Variants in SCUBE1 observed in about 807,000 individuals in gnomAD.
SCUBE1 encodes signal peptide, CUB domain and EGF like domain containing 1.
SCUBE1 carries 59 observed loss-of-function variants against 124.4 expected under a neutral mutation model. That is an observed-to-expected ratio of 0.47 (90% CI 0.38 to 0.59). The LOEUF (loss-of-function observed/expected upper bound fraction) is 0.59, where lower values mean the gene tolerates loss of function less well. Among genes scored for constraint, SCUBE1 ranks in the 20% least tolerant of loss-of-function variants. The probability of loss-of-function intolerance (pLI) is 0.00; values close to 1 mark genes in which losing one functional copy is unlikely to be tolerated. For missense variants in SCUBE1, 1,150 were observed against 1,371.2 expected (o/e 0.84, Z 2.55); for synonymous variants, 545 against 550.9 (o/e 0.99, Z 0.15).
At chr22:43,292,188 T>C (rs1925387519) in intron 3 of SCUBE1, among the ~76,000 whole-genome samples, 1 of 151,922 alleles carries the variant, frequency 6.6e-6, no homozygotes, top group Admixed American at 6.6e-5. Flanking sequence ...ACTCCGAGAA[T>C]GAGGAGGTTT....
intron 3 of SCUBE1, among the ~76,000 whole-genome samples, chr22:43,292,488 T>C (rs1263214032): frequency 6.6e-6 from 1 of 151,644 alleles, no homozygotes; most frequent in African/African-American, 2.4e-5. Flanking sequence ...GTCATTTTAA[T>C]AGGCAAATAT....
intron 16 of SCUBE1, 44 bp downstream of exon 16, chr22:43,214,046 C>CCGGGGG: frequency 1.7e-5 from 7 of 422,698 alleles, no homozygotes; most frequent in East Asian, 6.5e-5. Context: ...GAGGAGCCCC[C>CCGGGGG]GCCCACCCCC....
intron 2 of SCUBE1, among the ~76,000 whole-genome samples, chr22:43,336,728 C>G (rs1467101114): frequency 6.6e-6 from 1 of 152,102 alleles, no homozygotes; most frequent in Non-Finnish European, 1.5e-5. Context: ...GGGTAGGTAC[C>G]CATTGCAGTC....
chr22:43,315,549 G>T (rs1340861322), intron 3 of SCUBE1, among the ~76,000 whole-genome samples: 1 of 152,140 alleles, frequency 6.6e-6, no homozygotes, highest in Non-Finnish European at 1.5e-5. Context: ...AGGATGGGTT[G>T]GTGCCTGTTG....
chr22:43,218,203 T>C (rs1334986293), intron 15 of SCUBE1, 52 bp downstream of exon 15: 2 of 1,571,036 alleles, frequency 1.3e-6, no homozygotes, highest in Non-Finnish European at 1.7e-6. Context: ...CCCCGGCTCA[T>C]GTGCAAGGAA....
rs1923927494 is a variant in SCUBE1 at position 43,262,956 on chromosome 22, C to T, written c.485-111G>A. On this transcript the variant is annotated intron_variant, in intron 4 of 21. Transcript: ENST00000360835. ...GATATGTAACAATCAAATGGGCTGT[C>T]ATTGCATGTATCATGCACACACACG... 2.5e-6 allele frequency: 3 copies of T among 1,201,566 alleles called. No individual in the cohort carries two copies. The East Asian group carries it at 7.2e-5, about 29-fold the overall frequency. The allele number at this position is 1,201,566 out of a possible 1,614,324, so 74.4% of individuals were successfully genotyped here. A position where few individuals can be genotyped will look rare whatever the true frequency, so the allele number is the denominator to read the frequency against.
chr22:43,329,255 C>T (rs1054035652), intron 2 of SCUBE1, among the ~76,000 whole-genome samples: 3 of 152,260 alleles, frequency 2.0e-5, no homozygotes, highest in African/African-American at 7.2e-5. Flanking sequence ...GGTCTGCCCG[C>T]AGGGCTGGCA....
chr22:43,206,516 C>T (rs567248236), intron 21 of SCUBE1, among the ~76,000 whole-genome samples: 3 of 152,242 alleles, frequency 2.0e-5, no homozygotes, highest in Admixed American at 1.3e-4. Context: ...TGCTGGTGGG[C>T]GCCAGGAAGG....
intron 21 of SCUBE1, among the ~76,000 whole-genome samples, chr22:43,205,966 CCCA>C (rs1163641079): frequency 7.3e-6 from 1 of 136,456 alleles, no homozygotes; most frequent in Non-Finnish European, 1.6e-5. Flanking sequence ...CCACACTCAC[CCCA>C]CCTCTATTCA....
At position 43,258,137 on chromosome 22, in the gene SCUBE1, G is replaced by T; in HGVS notation, c.727+82C>A. On this transcript the variant is annotated intron_variant, in intron 6 of 21. Transcript: ENST00000360835. The surrounding 1 kb of genome is among the most constrained non-coding windows in gnomAD (Gnocchi z 5.0). ...CCTTCCGGGGAACCCGGACGTGGCA[G>T]GGTGCTGGCCCTGCTGGTGCACGCA... 1.0e-6 allele frequency: 1 copy of T among 958,808 alleles called. No individual in the cohort carries two copies. Among genetic ancestry groups the T allele is most frequent in the Non-Finnish European group, 1.7e-6 (1 of 596,368 alleles). The allele number at this position is 958,808 out of a possible 1,614,324, so 59.4% of individuals were successfully genotyped here. A position where few individuals can be genotyped will look rare whatever the true frequency, so the allele number is the denominator to read the frequency against.
intron 2 of SCUBE1, among the ~76,000 whole-genome samples, chr22:43,320,511 A>G (rs1320404195): frequency 6.6e-6 from 1 of 152,222 alleles, no homozygotes; most frequent in Non-Finnish European, 1.5e-5. Flanking sequence ...AACAATGGCC[A>G]GTAGCCTTGA....
At chr22:43,335,840 GATA>G (rs768136977) in intron 2 of SCUBE1, among the ~76,000 whole-genome samples, 1,812 of 140,788 alleles carry the variant, frequency 0.013, 33 homozygotes, top group African/African-American at 0.046. Context: ...TGGTGATGAT[GATA>G]ATGATGATGG....
At chr22:43,219,354 G>C (rs909500973) in intron 14 of SCUBE1, among the ~76,000 whole-genome samples, 3 of 152,184 alleles carry the variant, frequency 2.0e-5, no homozygotes, top group African/African-American at 7.2e-5. Flanking sequence ...CTAAGGCCTC[G>C]CCAGGCAGAT....
chr22:43,339,239 TG>T lies in SCUBE1; in HGVS notation c.89-5del. On this transcript the variant is annotated splice_polypyrimidine_tract_variant and splice_region_variant and intron_variant, in intron 1 of 21. Coordinates refer to ENST00000360835, the MANE Select transcript of SCUBE1 (RefSeq NM_173050.5). ...CACTCATCCACGTCGACTGACCCTG[TG>T]GGTAGGGGTGTGGGGGGAATAAGAG... 1 of 1,612,828 alleles carries T rather than the reference TG, an allele frequency of 6.2e-7. No homozygotes were observed. The highest frequency in any genetic ancestry group is 2.2e-5 in the East Asian group (1 of 44,848).
chr22:43,221,337 AG>A, intron 12 of SCUBE1, 48 bp from the exon 13 acceptor site: 1 of 806,388 alleles, frequency 1.2e-6, no homozygotes, highest in Non-Finnish European at 1.8e-6. Context: ...CCTGCAGGCA[AG>A]GAGGTGGTGG....
chr22:43,218,428 C>T lies in SCUBE1; in HGVS notation c.1718G>A (p.Arg573Gln), dbSNP rs749527000. 52 of 1,612,688 alleles carry T rather than the reference C, an allele frequency of 3.2e-5. No homozygotes were observed. Among genetic ancestry groups the T allele is most frequent in the Non-Finnish European group, 4.4e-5 (52 of 1,180,046 alleles). ...DTCEADCLRK[R>Q]AEQSLQAAIK... is the part of the protein sequence containing the mutation. ...GGCGGCCTGCAGGCTCTGTTCTGCT[C>T]GCTTCCGCAAGCAGTCCGCTTCGCA... The change falls in exon 15 of 22, where the codon CGA becomes CAA. Residue 573 changes from arginine to glutamine, a missense_variant. Around this residue, in one of 3 missense-constraint regions of SCUBE1, gnomAD observed 757 missense variants for 840.9 expected, o/e 0.90. Coordinates refer to ENST00000360835, the MANE Select transcript of SCUBE1 (RefSeq NM_173050.5).
intron 1 of SCUBE1, among the ~76,000 whole-genome samples, chr22:43,342,699 C>T (rs1278936395): frequency 6.6e-6 from 1 of 152,126 alleles, no homozygotes; most frequent in South Asian, 2.1e-4. Flanking sequence ...TGTCTGCTCC[C>T]TCGGCGCCGG....
intron 5 of SCUBE1, among the ~76,000 whole-genome samples, chr22:43,260,374 G>A (rs551932395): frequency 2.1e-4 from 32 of 152,320 alleles, no homozygotes; most frequent in African/African-American, 6.3e-4. Context: ...CTGGTGAGAC[G>A]GATAGAAGGA....
intron 4 of SCUBE1, among the ~76,000 whole-genome samples, chr22:43,273,447 TG>T: frequency 6.6e-6 from 1 of 151,770 alleles, no homozygotes; most frequent in African/African-American, 2.4e-5. Context: ...AACACCGAGG[TG>T]GGGCAGGTTG....
Sources: allele counts gnomAD v4.1 joint callset (sites outside exome capture counted in the v4.1 genomes callset), GRCh38; gene constraint gnomAD v4.1.1; regional missense constraint gnomAD v4.1.1; non-coding constraint Gnocchi (gnomAD v3.1); transcripts MANE v1.5; gene names NCBI Gene and HGNC (gene_info 2026-07-23, HGNC 2026-07-21).